Variants in ARSB observed in about 807,000 individuals in gnomAD.
ARSB encodes the protein arylsulfatase B.
ARSB carries 41 observed loss-of-function variants against 50.9 expected under a neutral mutation model. The ratio of observed to expected loss-of-function variants is 0.81; its 90% CI spans 0.63 to 1.04. The LOEUF is 1.04. Ranked by LOEUF, ARSB falls within the 50% of genes least tolerant of loss-of-function variation. The pLI, the probability that ARSB is intolerant of heterozygous loss-of-function variation, is 0.00. For missense variants in ARSB, 672 were observed against 693.3 expected (o/e 0.97, Z 0.35); for synonymous variants, 269 against 284.8 (o/e 0.94, Z 0.56).
chr5:78,943,273 C>T (rs1210531589), intron 4 of ARSB, among the ~76,000 whole-genome samples: 1 of 152,116 alleles, frequency 6.6e-6, no homozygotes, highest in African/African-American at 2.4e-5. Context: ...GCATTTAGCC[C>T]ATTTACATTT....
Position 78,973,597 on chromosome 5 carries a change from G to C in ARSB, c.313-4405C>G, listed in dbSNP as rs544841188. Among the ~76,000 whole-genome samples the C allele has an allele frequency of 4.6e-5, 7 of 152,284 alleles. No homozygotes were observed. In the South Asian group the frequency reaches 1.4e-3, roughly 32 times the overall value. Reference sequence around the variant, plus strand: ...AAAGGAGAAAATCCAATCTCTTGCTGGGGGAGAGGAAGATGGCAGCTCCCA... The same window carrying C: ...AAAGGAGAAAATCCAATCTCTTGCTCGGGGAGAGGAAGATGGCAGCTCCCA... On this transcript the variant is annotated intron_variant, in intron 1 of 7. Coordinates refer to ENST00000264914, the MANE Select transcript of ARSB (RefSeq NM_000046.5).
chr5:78,944,552 CTGTT>C (rs1240664742), intron 4 of ARSB, among the ~76,000 whole-genome samples: 5 of 152,288 alleles, frequency 3.3e-5, no homozygotes, highest in South Asian at 2.1e-4. Context: ...ACTCCAGACC[CTGTT>C]TGCCTGGGTA....
intron 5 of ARSB, among the ~76,000 whole-genome samples, chr5:78,851,448 A>G (rs899434785): frequency 6.6e-6 from 1 of 152,004 alleles, no homozygotes; most frequent in Non-Finnish European, 1.5e-5. Context: ...TTTCTGTTCT[A>G]TTACATTTGC....
chr5:78,797,770 G>A (rs1165578831), intron 6 of ARSB, among the ~76,000 whole-genome samples: 1 of 152,184 alleles, frequency 6.6e-6, no homozygotes, highest in Non-Finnish European at 1.5e-5. Context: ...GATGTGCACT[G>A]CCAAGTCCTG....
At chr5:78,860,656 C>T in intron 5 of ARSB, among the ~76,000 whole-genome samples, 1 of 152,266 alleles carries the variant, frequency 6.6e-6, no homozygotes, top group South Asian at 2.1e-4. Context: ...CAAGAGAAAG[C>T]AGGAAAGATC....
At chr5:78,810,868 A>G (rs1383099655) in intron 6 of ARSB, among the ~76,000 whole-genome samples, 2 of 152,230 alleles carry the variant, frequency 1.3e-5, no homozygotes, top group South Asian at 2.1e-4. Flanking sequence ...AAGGCTTTGA[A>G]TCTTTGACAT....
In ARSB at chr5:78,955,282, T is replaced by C. The variant is rs1561524633; in HGVS notation, c.898+13A>G. The C allele has an allele frequency of 6.2e-7, 1 of 1,613,788 alleles. No homozygotes were observed. The highest frequency in any genetic ancestry group is 8.5e-7 in the Non-Finnish European group (1 of 1,179,692). ...GCTTTGCCAAGAGATGATTTTCCTA[T>C]TGACAGACTTACCTGTAGAAAAGAT... On this transcript the variant is annotated intron_variant, in intron 4 of 7. Transcript: ENST00000264914.
chr5:78,792,098 TA>T (rs1454352841), intron 6 of ARSB, among the ~76,000 whole-genome samples: 2 of 152,094 alleles, frequency 1.3e-5, no homozygotes, highest in Non-Finnish European at 2.9e-5. Context: ...TCAGAAAGTT[TA>T]CAGGCATGGT....
At chr5:78,848,990 A>G (rs1048770360) in intron 5 of ARSB, among the ~76,000 whole-genome samples, 1 of 152,178 alleles carries the variant, frequency 6.6e-6, no homozygotes, top group Non-Finnish European at 1.5e-5. Flanking sequence ...AGTAGATTGC[A>G]AAAATTTTCT....
intron 1 of ARSB, among the ~76,000 whole-genome samples, chr5:78,971,149 C>T (rs556195167): frequency 2.0e-5 from 3 of 152,318 alleles, no homozygotes; most frequent in African/African-American, 7.2e-5. Context: ...CGCCCAGAAC[C>T]CAGTTTGGCC....
chr5:78,810,355 A>G (rs1743761134), intron 6 of ARSB, among the ~76,000 whole-genome samples: 1 of 152,220 alleles, frequency 6.6e-6, no homozygotes, highest in South Asian at 2.1e-4. Flanking sequence ...AATGACAGGT[A>G]AAAACAGCAC....
chr5:78,804,198 ACCAAAATG>A (rs1743488381), intron 6 of ARSB, among the ~76,000 whole-genome samples: 1 of 151,584 alleles, frequency 6.6e-6, no homozygotes, highest in Admixed American at 6.6e-5. Flanking sequence ...TGCAGATGTA[ACCAAAATG>A]TGGAATGAAA....
At chr5:78,815,790 A>G in intron 6 of ARSB, 7 of 1,244,180 alleles carry the variant, frequency 5.6e-6, no homozygotes, top group Non-Finnish European at 7.1e-6. Flanking sequence ...AAGGTAACAC[A>G]AAGAACTTTG....
At chr5:78,876,540 C>G (rs145324671) in intron 5 of ARSB, among the ~76,000 whole-genome samples, 174 of 152,356 alleles carry the variant, frequency 1.1e-3, no homozygotes, top group African/African-American at 4.0e-3. Context: ...GCCCAGTTTA[C>G]TGCCTTGAGA....
chr5:78,793,887 TTTA>T (rs943159299), intron 6 of ARSB, among the ~76,000 whole-genome samples: 1 of 152,120 alleles, frequency 6.6e-6, no homozygotes, highest in Non-Finnish European at 1.5e-5. Flanking sequence ...GATTTCAATT[TTTA>T]TTATTTTTTT....
chr5:78,957,774 G>A (rs181172057), intron 3 of ARSB, among the ~76,000 whole-genome samples: 5 of 152,050 alleles, frequency 3.3e-5, no homozygotes, highest in East Asian at 1.9e-4. Flanking sequence ...TGAAGGTCTT[G>A]GCTGCGATGT....
intron 6 of ARSB, among the ~76,000 whole-genome samples, chr5:78,832,012 A>C (rs900914541): frequency 1.3e-5 from 2 of 152,138 alleles, no homozygotes; most frequent in Non-Finnish European, 2.9e-5. Flanking sequence ...ATATGTATTA[A>C]TCTCTTATAC....
At chr5:78,921,974 C>T (rs1184679111) in intron 4 of ARSB, among the ~76,000 whole-genome samples, 1 of 152,104 alleles carries the variant, frequency 6.6e-6, no homozygotes, top group Non-Finnish European at 1.5e-5. Context: ...CAGTGGAAAG[C>T]AACACCGGCA....
intron 6 of ARSB, among the ~76,000 whole-genome samples, chr5:78,793,230 T>C (rs948081711): frequency 6.6e-6 from 1 of 152,294 alleles, no homozygotes; most frequent in South Asian, 2.1e-4. Flanking sequence ...AGGTAGCCCA[T>C]GTCATGGATG....
Sources: gnomAD v4.1 joint callset for allele counts (sites outside exome capture counted in the v4.1 genomes callset) on GRCh38, gnomAD v4.1.1 for gene constraint, MANE v1.5 for transcripts, NCBI Gene and HGNC (gene_info 2026-07-23, HGNC 2026-07-21) for gene names.